The following TENM3 variants were observed in gnomAD, a reference collection of about 807,000 sequenced individuals.
The protein encoded by TENM3 is teneurin transmembrane protein 3.
TENM3 carries 63 observed loss-of-function variants against 255.1 expected under a neutral mutation model. The observed-to-expected ratio is 0.25, with a 90% CI of 0.20 to 0.30. The LOEUF is 0.30. TENM3 is among the 10% of genes least tolerant of loss of function. TENM3 has a pLI of 1.00. For missense variants in TENM3, 2,929 were observed against 3,461.1 expected, an observed-to-expected ratio of 0.85 and a Z score of 3.86; for synonymous variants, 1,306 against 1,322.3, an observed-to-expected ratio of 0.99 and a Z score of 0.27.
At chr4:181,448,166 T>A in the TENM3 span, among the ~76,000 whole-genome samples, 17,640 of 130,962 alleles carry the variant, frequency 0.13, 1,426 homozygotes, top group East Asian at 0.29. Context: ...TTTTTTTTTT[T>A]TTTTTTTTTT....
chr4:182,184,578 T>C (rs2149755338), intron 1 of TENM3, among the ~76,000 whole-genome samples: 1 of 152,002 alleles, frequency 6.6e-6, no homozygotes, highest in African/African-American at 2.4e-5. Context: ...AATTAAAATG[T>C]TTTAAAATTT....
At chr4:182,366,219 A>C (rs1201356473) in intron 3 of TENM3, among the ~76,000 whole-genome samples, 1 of 152,032 alleles carries the variant, frequency 6.6e-6, no homozygotes, top group African/African-American at 2.4e-5. Context: ...TGTTTAAGGT[A>C]TTTTTGATAT....
At chr4:182,721,133 C>T (rs1031016261) in intron 13 of TENM3, among the ~76,000 whole-genome samples, 2 of 152,058 alleles carry the variant, frequency 1.3e-5, no homozygotes, top group Non-Finnish European at 2.9e-5. Context: ...AGAATGTGGA[C>T]GTGGGCACTG....
chr4:182,464,518 A>G (rs926835413), intron 3 of TENM3, among the ~76,000 whole-genome samples: 2 of 152,144 alleles, frequency 1.3e-5, no homozygotes, highest in Non-Finnish European at 2.9e-5. Context: ...CTGCCTCCCA[A>G]AGTGCTGGGA....
the TENM3 span, among the ~76,000 whole-genome samples, chr4:181,610,121 T>C: frequency 6.6e-6 from 1 of 152,222 alleles, no homozygotes; most frequent in African/African-American, 2.4e-5. Context: ...AGAAAACCTC[T>C]ATTTCGCTGA....
intron 3 of TENM3, among the ~76,000 whole-genome samples, chr4:182,557,888 A>C (rs1742730889): frequency 6.6e-6 from 1 of 152,178 alleles, no homozygotes; most frequent in Non-Finnish European, 1.5e-5. Flanking sequence ...TTTCCTTCTG[A>C]GTAAATATAT....
intron 3 of TENM3, among the ~76,000 whole-genome samples, chr4:182,500,646 G>A (rs970460968): frequency 3.4e-5 from 5 of 146,324 alleles, no homozygotes; most frequent in Middle Eastern, 3.5e-3. Flanking sequence ...ATTAGAAAAC[G>A]TGTACACAAA....
rs368953698 is a variant in TENM3 at position 182,775,076 on chromosome 4, G to T, written c.5227G>T (p.Gly1743Cys). 2 of 1,613,982 alleles carry T rather than the reference G, an allele frequency of 1.2e-6. No individual in the cohort carries two copies. Among genetic ancestry groups the T allele is most frequent in the East Asian group, 2.2e-5 (1 of 44,866 alleles). The part of the protein sequence containing the change: ...KRNMTLPGEN[G>C]QNLVEWRFRK... The stretch of plus-strand genomic sequence containing the variant: ...AAACATGACTTTGCCTGGCGAGAAC[G>T]GTCAAAACTTGGTGGAATGGAGATT... Residue 1743 changes from glycine (G) to cysteine (C), a missense_variant, in exon 24 of 28, where the codon GGT becomes TGT. Gly to Cys is a radical substitution (Grantham distance 159). Coordinates refer to ENST00000511685, the MANE Select transcript of TENM3 (RefSeq NM_001080477.4).
the TENM3 span, among the ~76,000 whole-genome samples, chr4:182,082,285 A>G: frequency 2.0e-5 from 3 of 151,982 alleles, no homozygotes; most frequent in African/African-American, 7.3e-5. Flanking sequence ...GCTCTCTAGG[A>G]TCTCTTTTAT....
chr4:181,905,967 G>T, the TENM3 span: 1 of 544,488 alleles, frequency 1.8e-6, no homozygotes, highest in Non-Finnish European at 3.5e-6. Context: ...TTCAGATCTG[G>T]GTGGTACATA....
intron 3 of TENM3, among the ~76,000 whole-genome samples, chr4:182,564,688 C>T (rs1743588468): frequency 6.6e-6 from 1 of 151,764 alleles, no homozygotes; most frequent in Non-Finnish European, 1.5e-5. Flanking sequence ...CTAAAGTGCC[C>T]TATTGTTACA....
intron 1 of TENM3, among the ~76,000 whole-genome samples, chr4:182,166,419 C>T (rs1751727991): frequency 1.3e-5 from 2 of 152,132 alleles, no homozygotes; most frequent in African/African-American, 4.8e-5. Flanking sequence ...CAGTCATGGC[C>T]ATTCTGCACA....
At chr4:182,066,002 G>A in the TENM3 span, among the ~76,000 whole-genome samples, 2 of 152,142 alleles carry the variant, frequency 1.3e-5, no homozygotes, top group Non-Finnish European at 2.9e-5. Context: ...TTTCTGTTTC[G>A]GGGATATACA....
At chr4:182,157,441 C>T (rs1203023390) in intron 1 of TENM3, among the ~76,000 whole-genome samples, 3 of 152,186 alleles carry the variant, frequency 2.0e-5, no homozygotes, top group Non-Finnish European at 4.4e-5. Context: ...TCAGTAGAGC[C>T]TCAGCTGCTG....
chr4:182,262,135 A>C (rs775919517), intron 1 of TENM3, among the ~76,000 whole-genome samples: 4 of 152,224 alleles, frequency 2.6e-5, no homozygotes, highest in Non-Finnish European at 4.4e-5. Context: ...ATTTTTTTAC[A>C]GCAATTAAGT....
chr4:182,309,472 A>G (rs1762317118), intron 1 of TENM3, among the ~76,000 whole-genome samples: 1 of 152,214 alleles, frequency 6.6e-6, no homozygotes, highest in African/African-American at 2.4e-5. Flanking sequence ...TAAGCCTACC[A>G]GCATTCTTCA....
At chr4:182,348,967 T>C (rs778077465) in intron 3 of TENM3, among the ~76,000 whole-genome samples, 13 of 152,198 alleles carry the variant, frequency 8.5e-5, no homozygotes, top group African/African-American at 1.4e-4. Context: ...TAGACCTTGT[T>C]CTTAGAGTGA....
chr4:181,734,474 A>G, the TENM3 span, among the ~76,000 whole-genome samples: 1 of 152,094 alleles, frequency 6.6e-6, no homozygotes, highest in Admixed American at 6.6e-5. Context: ...ACAATGGAGG[A>G]AGTTGAAGAT....
the TENM3 span, among the ~76,000 whole-genome samples, chr4:181,993,480 G>A: frequency 2.0e-5 from 3 of 152,132 alleles, no homozygotes; most frequent in Admixed American, 6.5e-5. Flanking sequence ...GAACAGCTTC[G>A]CTGTGTCTGC....
Sources: gnomAD v4.1 joint callset for allele counts (sites outside exome capture counted in the v4.1 genomes callset) on GRCh38, gnomAD v4.1.1 for gene constraint, MANE v1.5 for transcripts, NCBI Gene and HGNC (gene_info 2026-07-23, HGNC 2026-07-21) for gene names.